The following PCMTD1 variants were observed in gnomAD, a reference collection of about 807,000 sequenced individuals.
PCMTD1 encodes protein-L-isoaspartate O-methyltransferase domain-containing protein 1.
A neutral mutation model predicts 37.6 loss-of-function variants in PCMTD1; 12 were observed. The observed-to-expected ratio is 0.32, with a 90% CI of 0.20 to 0.52. The LOEUF is 0.52. PCMTD1 is among the 20% of genes least tolerant of loss of function. The pLI is 0.97. For missense variants in PCMTD1, 235 were observed against 421.3 expected (o/e 0.56, Z 3.87); for synonymous variants, 117 against 135.8 (o/e 0.86, Z 0.96).
chr8:51,855,402 G>A (rs1393341668), intron 2 of PCMTD1, among the ~76,000 whole-genome samples: 1 of 148,616 alleles, frequency 6.7e-6, no homozygotes, highest in African/African-American at 2.5e-5. Context: ...GCGTGGTGAC[G>A]TGCACCTTTA....
intron 4 of PCMTD1, among the ~76,000 whole-genome samples, chr8:51,832,054 G>A (rs2038005651): frequency 6.6e-6 from 1 of 152,122 alleles, no homozygotes; most frequent in Admixed American, 6.5e-5. Flanking sequence ...GAGACTAGGA[G>A]TTTTATCATT....
rs188763330 is a variant in PCMTD1, at chr8:51,850,782, A to C, written c.308-5019T>G. 8.9e-4 allele frequency among the ~76,000 whole-genome samples: 135 copies of C among 152,352 alleles called. 1 individual carries two copies. The highest frequency in any genetic ancestry group is 3.1e-3 in the African/African-American group (130 of 41,594). Reference sequence around the variant, plus strand: ...TATAAATATAAAAGGATCTTTCAATAAATTACAATGATATTTTATTACTAA... The same window carrying C: ...TATAAATATAAAAGGATCTTTCAATCAATTACAATGATATTTTATTACTAA... On this transcript the variant is annotated intron_variant, in intron 2 of 5. Coordinates refer to ENST00000522514, the MANE Select transcript of PCMTD1 (RefSeq NM_052937.4).
At chr8:51,844,959 A>G (rs1235639925) in intron 3 of PCMTD1, 2 of 152,226 alleles carry the variant, frequency 1.3e-5, no homozygotes, top group African/African-American at 4.8e-5. Context: ...AATCAGATAC[A>G]CAGTGAAATG....
At chr8:51,860,642 A>T (rs751784010) in intron 2 of PCMTD1, 40 of 492,402 alleles carry the variant, frequency 8.1e-5, no homozygotes, top group Admixed American at 1.4e-4. Context: ...GTTAGTTTCC[A>T]GAGCTACTGT....
chr8:51,891,197 C>CCA (rs972452964), intron 1 of PCMTD1, among the ~76,000 whole-genome samples: 2 of 152,046 alleles, frequency 1.3e-5, no homozygotes, highest in Non-Finnish European at 2.9e-5. Context: ...TGCAAATGAA[C>CCA]CACTGTTAAA....
chr8:51,827,326 T>C (rs745645359), intron 5 of PCMTD1: 62 of 1,180,778 alleles, frequency 5.3e-5, no homozygotes, highest in Non-Finnish European at 6.6e-5. Context: ...ACAGTTTCAC[T>C]TTCCACGGTT....
chr8:51,831,512 G>T lies in PCMTD1; in HGVS notation c.638C>A (p.Ala213Asp), dbSNP rs1323622994. ...TTGCACAAGTGGAGCAAATGAAACA[G>T]CAAGGATATTTTTACTTTCCCAAGT... ...QNTWESKNIL[A>D]VSFAPLVQPS... Residue 213 changes from alanine to aspartate, a missense_variant, in exon 5 of 6, where the codon GCT becomes GAT. By Grantham distance (126) the Ala-to-Asp change is moderately radical. Around this residue, in one of 3 missense-constraint regions of PCMTD1, gnomAD observed 183 missense variants for 349.3 expected, o/e 0.52. Coordinates refer to ENST00000522514, the MANE Select transcript of PCMTD1 (RefSeq NM_052937.4). The T allele has an allele frequency of 1.2e-6, 2 of 1,613,634 alleles. No individual in the cohort carries two copies. The highest frequency in any genetic ancestry group is 2.7e-5 in the African/African-American group (2 of 75,000).
chr8:51,833,632 G>C lies in PCMTD1; in HGVS notation c.468C>G (p.Asp156Glu). 1 of 1,612,166 alleles carries C rather than the reference G, an allele frequency of 6.2e-7. No individual in the cohort carries two copies. The highest frequency in any genetic ancestry group is 8.5e-7 in the Non-Finnish European group (1 of 1,179,552). Reference protein sequence around the residue: ...VVGNCLQIASDSHQYDRIYCG... With the variant: ...VVGNCLQIASESHQYDRIYCG... ...AATAAATTCGATCATACTGATGACTGTCAGAAGCTATCTGGAGGCAATTAC... is the reference window on the plus strand; with the variant it reads ...AATAAATTCGATCATACTGATGACTCTCAGAAGCTATCTGGAGGCAATTAC... The change falls in exon 4 of 6, where the codon GAC becomes GAG. Residue 156 changes from aspartate to glutamate, a missense_variant. Coordinates refer to ENST00000522514, the MANE Select transcript of PCMTD1 (RefSeq NM_052937.4).
intron 1 of PCMTD1, among the ~76,000 whole-genome samples, chr8:51,866,990 T>C (rs2038564406): frequency 1.3e-5 from 2 of 151,816 alleles, no homozygotes; most frequent in South Asian, 4.1e-4. Context: ...ATTCAAAATA[T>C]AAAATGAACT....
At position 51,818,155 on chromosome 8, in the gene PCMTD1, T is replaced by G; in HGVS notation, c.*2196A>C. 3.2e-6 allele frequency: 1 copy of G among 313,782 alleles called. No homozygotes were observed. The highest frequency in any genetic ancestry group is 9.0e-5 in the East Asian group (1 of 11,122). The allele number at this position is 313,782 out of a possible 1,614,324, so 19.4% of individuals were successfully genotyped here. ...TATCTGCATTAATAGATAAAAAGGCTTTAGCTTTAATTTTCATTTTTCATT... is the reference window on the plus strand; with the variant it reads ...TATCTGCATTAATAGATAAAAAGGCGTTAGCTTTAATTTTCATTTTTCATT... On this transcript the variant is annotated 3_prime_UTR_variant, in exon 6 of 6. Transcript: ENST00000522514.
intron 2 of PCMTD1, among the ~76,000 whole-genome samples, chr8:51,846,272 T>C (rs576385751): frequency 3.3e-5 from 5 of 152,298 alleles, no homozygotes; most frequent in Admixed American, 2.6e-4. Context: ...AATGTGGCCA[T>C]TGGGCAGCAT....
chr8:51,894,985 GAAC>G (rs1437848078), intron 1 of PCMTD1, among the ~76,000 whole-genome samples: 4 of 152,152 alleles, frequency 2.6e-5, no homozygotes, highest in East Asian at 1.9e-4. Context: ...TGATCAGGGA[GAAC>G]AACATTGGCA....
chr8:51,896,575 C>T (rs1351439986), intron 1 of PCMTD1, among the ~76,000 whole-genome samples: 1 of 152,032 alleles, frequency 6.6e-6, no homozygotes, highest in African/African-American at 2.4e-5. Flanking sequence ...ACCATGGCAC[C>T]CAGCAGTGTC....
At chr8:51,858,262 C>T (rs1257947015) in intron 2 of PCMTD1, among the ~76,000 whole-genome samples, 3 of 152,068 alleles carry the variant, frequency 2.0e-5, no homozygotes, top group African/African-American at 7.2e-5. Flanking sequence ...CTGCTTTGGC[C>T]GGGACTCCCC....
chr8:51,898,874 A>C, intron 1 of PCMTD1, 56 bp downstream of exon 1: 10 of 1,254,324 alleles, frequency 8.0e-6, no homozygotes, highest in Non-Finnish European at 1.0e-5. Context: ...GCCCGGCCCT[A>C]GCACGCGGGA....
intron 1 of PCMTD1, among the ~76,000 whole-genome samples, chr8:51,897,048 G>A (rs1296235681): frequency 1.3e-5 from 2 of 151,858 alleles, no homozygotes; most frequent in Non-Finnish European, 2.9e-5. Flanking sequence ...TATTCCTTTC[G>A]AGCACAGTTT....
At chr8:51,889,867 T>C (rs2038912701) in intron 1 of PCMTD1, among the ~76,000 whole-genome samples, 1 of 18,406 alleles carries the variant, frequency 5.4e-5, no homozygotes, top group South Asian at 8.2e-3. Flanking sequence ...AGGATATACG[T>C]GTGTGTGTGT....
intron 1 of PCMTD1, among the ~76,000 whole-genome samples, chr8:51,880,781 A>G (rs2038780123): frequency 6.6e-6 from 1 of 152,226 alleles, no homozygotes; most frequent in Non-Finnish European, 1.5e-5. Context: ...GTTAATAAAC[A>G]TTTTAGGATT....
chr8:51,845,569 C>A, intron 3 of PCMTD1, 92 bp downstream of exon 3: 1 of 820,126 alleles, frequency 1.2e-6, no homozygotes. Flanking sequence ...TTCAATTGAG[C>A]CAGTCAGGAT....
Sources: allele counts gnomAD v4.1 joint callset (sites outside exome capture counted in the v4.1 genomes callset), GRCh38; gene constraint gnomAD v4.1.1; regional missense constraint gnomAD v4.1.1; transcripts MANE v1.5; gene names NCBI Gene and HGNC (gene_info 2026-07-23, HGNC 2026-07-21).